KCNIP4: variants seen among roughly 807,000 people sequenced by gnomAD.
The protein encoded by KCNIP4 is Kv channel-interacting protein 4.
A neutral mutation model predicts 34.0 loss-of-function variants in KCNIP4; 12 were observed. The ratio of observed to expected loss-of-function variants is 0.35; its 90% confidence interval spans 0.23 to 0.57. KCNIP4 has a LOEUF of 0.57. Among genes scored for constraint, KCNIP4 ranks in the 20% least tolerant of loss-of-function variants. KCNIP4 has a pLI of 0.83. For missense variants in KCNIP4, 238 were observed against 311.7 expected, an observed-to-expected ratio of 0.76 and a Z score of 1.78; for synonymous variants, 124 against 102.2, an observed-to-expected ratio of 1.21 and a Z score of -1.29.
At chr4:21,375,619 T>G (rs1033884385) in intron 1 of KCNIP4, among the ~76,000 whole-genome samples, 3 of 151,278 alleles carry the variant, frequency 2.0e-5, no homozygotes, top group African/African-American at 7.3e-5. Flanking sequence ...CAGGCTGGAG[T>G]GCAGTGGTGC....
intron 1 of KCNIP4, among the ~76,000 whole-genome samples, chr4:21,347,377 A>G (rs1258908375): frequency 6.6e-6 from 1 of 152,180 alleles, no homozygotes; most frequent in African/African-American, 2.4e-5. Context: ...CACTACTACT[A>G]GAGACACTGG....
chr4:21,926,297 TAC>T, intron 1 of KCNIP4, among the ~76,000 whole-genome samples: 1 of 151,902 alleles, frequency 6.6e-6, no homozygotes, highest in East Asian at 1.9e-4. Flanking sequence ...AGATTCAAAG[TAC>T]AAAAGGCTCC....
At chr4:21,370,804 T>TAA (rs1381363381) in intron 1 of KCNIP4, among the ~76,000 whole-genome samples, 14 of 4,066 alleles carry the variant, frequency 3.4e-3, no homozygotes, top group South Asian at 7.7e-3. Context: ...GATTGAAATA[T>TAA]ATATATATAT....
intron 3 of KCNIP4, among the ~76,000 whole-genome samples, chr4:20,779,027 A>G (rs904444439): frequency 6.6e-6 from 1 of 152,114 alleles, no homozygotes; most frequent in South Asian, 2.1e-4. Flanking sequence ...AGGCAGATAA[A>G]TTATAAAGAG....
chr4:21,143,215 G>A (rs1752098984), intron 1 of KCNIP4, among the ~76,000 whole-genome samples: 1 of 152,190 alleles, frequency 6.6e-6, no homozygotes, highest in Admixed American at 6.5e-5. Flanking sequence ...AATAAAACCA[G>A]CCCTTAAAAG....
chr4:21,477,185 T>C (rs1731054408), intron 1 of KCNIP4, among the ~76,000 whole-genome samples: 1 of 152,206 alleles, frequency 6.6e-6, no homozygotes, highest in Non-Finnish European at 1.5e-5. Flanking sequence ...AAGCCAATTA[T>C]TCTTCAGTTT....
chr4:21,632,799 G>C (rs182640961), intron 1 of KCNIP4, among the ~76,000 whole-genome samples: 1 of 152,272 alleles, frequency 6.6e-6, no homozygotes, highest in East Asian at 1.9e-4. Context: ...TGGAGGTCCA[G>C]CGTAAAGTAA....
chr4:21,084,821 A>C lies in KCNIP4; in HGVS notation c.62-202112T>G, dbSNP rs375001358. The stretch of plus-strand genomic sequence containing the variant: ...ATCTCCTGTAATTTATTCTCAACAC[A>C]TGTTTTCTTGAAGCCTTATCCAAAT... On this transcript the variant is annotated intron_variant, in intron 1 of 8. Transcript: ENST00000382152. Among the ~76,000 whole-genome samples, 6 of 151,272 alleles carry C rather than the reference A, an allele frequency of 4.0e-5. No homozygotes were observed. The East Asian group carries it at 5.8e-4, about 15-fold the overall frequency.
rs141358535 is a variant in KCNIP4 at position 21,213,951 on chromosome 4, G to C, written c.62-331242C>G. On this transcript the variant is annotated intron_variant, in intron 1 of 8. Transcript: ENST00000382152. Reference sequence around the variant, plus strand: ...ATGTCCCATGTCTGCACAGAGTGTCGTACAGCCCAGACACTGCATTTACAA... The same window carrying C: ...ATGTCCCATGTCTGCACAGAGTGTCCTACAGCCCAGACACTGCATTTACAA... 3.3e-3 allele frequency among the ~76,000 whole-genome samples: 498 copies of C among 152,208 alleles called. 3 individuals are homozygous for C. The highest frequency in any genetic ancestry group is 0.011 in the African/African-American group (474 of 41,550).
chr4:20,845,431 T>C (rs1720250439), intron 3 of KCNIP4, among the ~76,000 whole-genome samples: 1 of 152,076 alleles, frequency 6.6e-6, no homozygotes, highest in South Asian at 2.1e-4. Context: ...CTGCCCACAA[T>C]AAATGGCCCC....
chr4:20,917,766 C>T (rs1046988807), intron 1 of KCNIP4, among the ~76,000 whole-genome samples: 7 of 152,144 alleles, frequency 4.6e-5, no homozygotes, highest in East Asian at 1.9e-4. Flanking sequence ...GCAGAGGCTG[C>T]AATGCCTGTA....
chr4:20,982,301 G>A (rs543695841), intron 1 of KCNIP4, among the ~76,000 whole-genome samples: 3 of 152,136 alleles, frequency 2.0e-5, no homozygotes, highest in Admixed American at 6.5e-5. Context: ...TAAGTCCAGA[G>A]AACCAAAACG....
intron 1 of KCNIP4, among the ~76,000 whole-genome samples, chr4:21,897,240 G>A (rs1269923630): frequency 2.8e-5 from 4 of 144,186 alleles, no homozygotes; most frequent in African/African-American, 5.3e-5. Flanking sequence ...ATAGAGATTT[G>A]AGAATAAGAA....
intron 1 of KCNIP4, among the ~76,000 whole-genome samples, chr4:21,035,745 T>C (rs75383017): frequency 6.6e-6 from 1 of 152,212 alleles, no homozygotes; most frequent in Non-Finnish European, 1.5e-5. Context: ...GAGATTCCTG[T>C]TTACATTTTC....
At chr4:21,506,633 A>G (rs1733868172) in intron 1 of KCNIP4, among the ~76,000 whole-genome samples, 1 of 152,150 alleles carries the variant, frequency 6.6e-6, no homozygotes, top group Non-Finnish European at 1.5e-5. Flanking sequence ...TTACCCCCAT[A>G]CTTTTACTAA....
chr4:20,816,897 A>T (rs1011955119), intron 3 of KCNIP4, among the ~76,000 whole-genome samples: 4 of 152,276 alleles, frequency 2.6e-5, no homozygotes, highest in East Asian at 1.9e-4. Context: ...TGTGTTAGCC[A>T]TGGGGAGTCA....
chr4:21,720,668 C>A (rs13116972), intron 1 of KCNIP4, among the ~76,000 whole-genome samples: 8 of 149,490 alleles, frequency 5.4e-5, no homozygotes, highest in African/African-American at 1.7e-4. Context: ...TCTCCTAATG[C>A]TATCCCTCCC....
intron 1 of KCNIP4, among the ~76,000 whole-genome samples, chr4:21,894,213 G>T (rs769610148): frequency 6.6e-6 from 1 of 151,990 alleles, no homozygotes; most frequent in Non-Finnish European, 1.5e-5. Flanking sequence ...GCACGTGCCT[G>T]TAGTCCAAGA....
At chr4:21,282,955 T>A (rs896165429) in intron 1 of KCNIP4, among the ~76,000 whole-genome samples, 1 of 152,188 alleles carries the variant, frequency 6.6e-6, no homozygotes, top group African/African-American at 2.4e-5. Flanking sequence ...AACTGCTGAA[T>A]GGTTAAACAC....
Sources: allele counts gnomAD v4.1 joint callset (sites outside exome capture counted in the v4.1 genomes callset), GRCh38; gene constraint gnomAD v4.1.1; transcripts MANE v1.5; gene names NCBI Gene and HGNC (gene_info 2026-07-23, HGNC 2026-07-21).